The following COA1 variants were observed in gnomAD, a reference collection of about 807,000 sequenced individuals.
COA1 encodes cytochrome c oxidase assembly factor 1, also known as cytochrome c oxidase assembly factor 1 homolog.
A neutral mutation model predicts 16.0 loss-of-function variants in COA1; 13 were observed. That is an observed-to-expected ratio of 0.81 (90% CI 0.53 to 1.29). The LOEUF (loss-of-function observed/expected upper bound fraction) is 1.29, where lower values mean the gene tolerates loss of function less well. COA1 is among the 50% of genes most tolerant of loss of function. COA1 has a pLI of 0.00. For missense variants in COA1, 179 were observed against 177.0 expected, an observed-to-expected ratio of 1.01 and a Z score of -0.06; for synonymous variants, 65 against 65.7, an observed-to-expected ratio of 0.99 and a Z score of 0.05.
At chr7:43,640,423 G>A (rs2086755345) in intron 5 of COA1, 150 bp downstream of exon 5, 1 of 666,254 alleles carries the variant, frequency 1.5e-6, no homozygotes. Flanking sequence ...CTGGCTTGCT[G>A]CCCAGGCCAC....
At chr7:43,618,815 C>T (rs1365893357) in intron 6 of COA1, among the ~76,000 whole-genome samples, 1 of 152,166 alleles carries the variant, frequency 6.6e-6, no homozygotes, top group African/African-American at 2.4e-5. Flanking sequence ...CACATATCCC[C>T]ACTCACAAGT....
intron 4 of COA1, among the ~76,000 whole-genome samples, chr7:43,644,616 T>C (rs1436235099): frequency 6.6e-6 from 1 of 151,816 alleles, no homozygotes; most frequent in Non-Finnish European, 1.5e-5. Context: ...AGCCTCCAAC[T>C]CCTGGGTTCA....
At chr7:43,627,338 C>G (rs549196030) in intron 6 of COA1, among the ~76,000 whole-genome samples, 4 of 152,246 alleles carry the variant, frequency 2.6e-5, no homozygotes, top group African/African-American at 9.6e-5. Context: ...TCCAGCTAAC[C>G]TCAGTTTGGA....
chr7:43,702,671 C>CT (rs2094798161), intron 1 of COA1, among the ~76,000 whole-genome samples: 1 of 152,086 alleles, frequency 6.6e-6, no homozygotes, highest in South Asian at 2.1e-4. Flanking sequence ...ATAATAGTCT[C>CT]TGAGGGTTTT....
At chr7:43,670,327 C>G (rs907938724) in intron 1 of COA1, among the ~76,000 whole-genome samples, 7 of 151,988 alleles carry the variant, frequency 4.6e-5, no homozygotes, top group African/African-American at 7.3e-5. Flanking sequence ...GTGGTGGGTA[C>G]CTGTAGTCCC....
At chr7:43,655,768 G>C (rs2091620833) in intron 1 of COA1, among the ~76,000 whole-genome samples, 1 of 152,176 alleles carries the variant, frequency 6.6e-6, no homozygotes, top group African/African-American at 2.4e-5. Flanking sequence ...CTGGCTGTAT[G>C]ACTCGCTTCA....
chr7:43,668,294 A>G (rs913121449), intron 1 of COA1, among the ~76,000 whole-genome samples: 1 of 152,250 alleles, frequency 6.6e-6, no homozygotes, highest in South Asian at 2.1e-4. Context: ...ATTTGAGGAT[A>G]CAAACCCATG....
intron 4 of COA1, among the ~76,000 whole-genome samples, chr7:43,642,365 G>A (rs533504447): frequency 1.3e-5 from 2 of 152,234 alleles, no homozygotes; most frequent in Non-Finnish European, 2.9e-5. Context: ...CAGGAGAATC[G>A]CTTGAACCTG....
intron 6 of COA1, among the ~76,000 whole-genome samples, chr7:43,634,171 C>T (rs1297989135): frequency 6.6e-6 from 1 of 152,000 alleles, no homozygotes; most frequent in Non-Finnish European, 1.5e-5. Context: ...ATTCTAAAAT[C>T]TGTGTTATCT....
In COA1 at chr7:43,645,317, A is replaced by G. The variant is rs144848184; in HGVS notation, c.198T>C (p.Pro66=). 1.1e-4 allele frequency: 179 copies of G among 1,613,974 alleles called. No homozygotes were observed. The highest frequency in any genetic ancestry group is 1.4e-4 in the Non-Finnish European group (170 of 1,179,978). The change falls in exon 4 of 6, where the codon CCT becomes CCC. Residue 66 remains proline (P), a synonymous_variant. Coordinates refer to ENST00000223336, the MANE Select transcript of COA1 (RefSeq NM_018224.4). ...GCTTGAGATAATGGATGTTGAGAGG[A>G]GGGCCCAGAGCTTCCTGTGCCTCGG... The part of the protein sequence containing the change: ...SHPEAQEALG[P]PLNIHYLKLI...
intron 6 of COA1, chr7:43,631,407 G>T (rs1583949742): frequency 6.6e-6 from 1 of 152,406 alleles, no homozygotes; most frequent in East Asian, 1.9e-4. Context: ...TGTATTTTTA[G>T]TAGAGACAGG....
chr7:43,663,409 A>G (rs2092622238), intron 1 of COA1, among the ~76,000 whole-genome samples: 1 of 152,174 alleles, frequency 6.6e-6, no homozygotes, highest in Admixed American at 6.5e-5. Context: ...CTATTTGTCA[A>G]TCCTTGTGAC....
intron 1 of COA1, among the ~76,000 whole-genome samples, chr7:43,723,939 C>A (rs1423360525): frequency 2.0e-5 from 3 of 151,694 alleles, no homozygotes; most frequent in East Asian, 1.9e-4. Context: ...AAAACAAAAA[C>A]CAAAAAATCT....
intron 1 of COA1, among the ~76,000 whole-genome samples, chr7:43,725,226 G>A (rs913325069): frequency 2.7e-5 from 4 of 147,474 alleles, no homozygotes; most frequent in East Asian, 2.0e-4. Flanking sequence ...CAACATGAAC[G>A]AAACTCCATC....
intron 1 of COA1, among the ~76,000 whole-genome samples, chr7:43,717,460 C>A (rs144877396): frequency 1.3e-5 from 2 of 152,284 alleles, no homozygotes; most frequent in East Asian, 3.9e-4. Flanking sequence ...TGGCCAATTT[C>A]TCCTATTTGG....
intron 1 of COA1, among the ~76,000 whole-genome samples, chr7:43,724,908 G>A (rs555384802): frequency 2.0e-5 from 3 of 152,320 alleles, no homozygotes; most frequent in South Asian, 2.1e-4. Flanking sequence ...AGGGAGGAAC[G>A]GAGATTTATC....
chr7:43,653,503 A>C (rs1432101386), intron 1 of COA1, among the ~76,000 whole-genome samples: 4 of 152,216 alleles, frequency 2.6e-5, no homozygotes, highest in African/African-American at 9.6e-5. Flanking sequence ...AAGCATTTTA[A>C]AAATTAAGTA....
intron 1 of COA1, among the ~76,000 whole-genome samples, chr7:43,691,073 A>C (rs13309302): frequency 2.3e-5 from 1 of 44,008 alleles, no homozygotes; most frequent in Non-Finnish European, 3.8e-5. Context: ...AAAAAAAAAA[A>C]AAAACAAAAA....
At chr7:43,629,572 C>G (rs1237711412) in intron 6 of COA1, among the ~76,000 whole-genome samples, 1 of 151,732 alleles carries the variant, frequency 6.6e-6, no homozygotes, top group East Asian at 1.9e-4. Context: ...CTTTTAATAC[C>G]CCAACTCTCA....
Sources: allele counts gnomAD v4.1 joint callset (sites outside exome capture counted in the v4.1 genomes callset), GRCh38; gene constraint gnomAD v4.1.1; transcripts MANE v1.5; gene names NCBI Gene and HGNC (gene_info 2026-07-23, HGNC 2026-07-21).